GRM7: variants seen among roughly 807,000 people sequenced by gnomAD.
GRM7 encodes the protein metabotropic glutamate receptor 7.
A neutral mutation model predicts 84.5 loss-of-function variants in GRM7; 35 were observed. The observed-to-expected ratio is 0.41, with a 90% CI of 0.32 to 0.55. The LOEUF (loss-of-function observed/expected upper bound fraction) is 0.55, where lower values mean the gene tolerates loss of function less well. Ranked by LOEUF, GRM7 falls within the 20% of genes least tolerant of loss-of-function variation. GRM7 has a pLI of 0.19. For synonymous variants in GRM7, 487 were observed against 455.1 expected, an observed-to-expected ratio of 1.07 and a Z score of -0.89; for missense variants, 1,003 against 1,194.6, an observed-to-expected ratio of 0.84 and a Z score of 2.36.
intron 9 of GRM7, among the ~76,000 whole-genome samples, chr3:7,704,437 A>T (rs1018181814): frequency 6.6e-6 from 1 of 152,108 alleles, no homozygotes; most frequent in East Asian, 1.9e-4. Context: ...GTTTGAGAGT[A>T]TTTTTTTCTA....
At chr3:7,282,693 A>G (rs1699296601) in intron 2 of GRM7, among the ~76,000 whole-genome samples, 1 of 152,202 alleles carries the variant, frequency 6.6e-6, no homozygotes, top group Admixed American at 6.5e-5. Context: ...AATGTAGGTA[A>G]TGTTGATTAG....
At chr3:7,733,872 C>A (rs1374275468) in intron 9 of GRM7, among the ~76,000 whole-genome samples, 1 of 152,162 alleles carries the variant, frequency 6.6e-6, no homozygotes, top group Non-Finnish European at 1.5e-5. Context: ...TAAATTGTCT[C>A]ACACTGCATG....
chr3:7,541,759 C>A (rs1407733466), intron 7 of GRM7, among the ~76,000 whole-genome samples: 1 of 152,196 alleles, frequency 6.6e-6, no homozygotes, highest in Non-Finnish European at 1.5e-5. Context: ...ATCTGCATTT[C>A]TTACTGGTGT....
intron 7 of GRM7, among the ~76,000 whole-genome samples, chr3:7,542,798 G>A (rs371087121): frequency 2.0e-5 from 3 of 152,066 alleles, no homozygotes; most frequent in South Asian, 2.1e-4. Flanking sequence ...TGCCTGCCTC[G>A]GCCTCCCAAA....
intron 2 of GRM7, among the ~76,000 whole-genome samples, chr3:7,186,979 G>A (rs1695537792): frequency 6.6e-6 from 1 of 152,110 alleles, no homozygotes; most frequent in South Asian, 2.1e-4. Context: ...AGCTGTTTGG[G>A]AGGCTGAGGC....
At chr3:7,649,957 C>T (rs902117517) in intron 8 of GRM7, among the ~76,000 whole-genome samples, 4 of 152,078 alleles carry the variant, frequency 2.6e-5, no homozygotes, top group Non-Finnish European at 5.9e-5. Flanking sequence ...ATAATAATTA[C>T]AGTACATCAT....
At chr3:6,926,654 A>G (rs1697308484) in intron 1 of GRM7, among the ~76,000 whole-genome samples, 1 of 152,072 alleles carries the variant, frequency 6.6e-6, no homozygotes, top group Admixed American at 6.5e-5. Flanking sequence ...GTGCTCCCCA[A>G]ACAGCTTAGC....
intron 9 of GRM7, among the ~76,000 whole-genome samples, chr3:7,738,660 CTTAA>C (rs1402867715): frequency 3.6e-4 from 54 of 150,968 alleles, no homozygotes; most frequent in East Asian, 3.9e-4. Flanking sequence ...AGAAAACAGT[CTTAA>C]TTAATCACAC....
intron 1 of GRM7, among the ~76,000 whole-genome samples, chr3:7,126,869 A>T (rs1693419141): frequency 6.6e-6 from 1 of 152,156 alleles, no homozygotes; most frequent in Non-Finnish European, 1.5e-5. Context: ...CTCATAGCCA[A>T]TGATCTAAAT....
chr3:7,129,739 G>A (rs1693528824), intron 1 of GRM7, among the ~76,000 whole-genome samples: 1 of 152,170 alleles, frequency 6.6e-6, no homozygotes, highest in Non-Finnish European at 1.5e-5. Context: ...TGCAGAAGTA[G>A]CCTGGGTCCT....
In GRM7 at chr3:7,661,072, C is replaced by T. The variant is rs182149619; in HGVS notation, c.2452-18977C>T. Among the ~76,000 whole-genome samples, 13 of 152,202 alleles carry T rather than the reference C, an allele frequency of 8.5e-5. No homozygotes were observed. The East Asian group carries it at 2.1e-3, about 25-fold the overall frequency. On this transcript the variant is annotated intron_variant, in intron 8 of 9. Coordinates refer to ENST00000357716, the MANE Select transcript of GRM7 (RefSeq NM_000844.4). ...GGCAAATATTTCTTAGGTATCATGCCGAACACACAATTTATACGTGAACAG... is the reference window on the plus strand; with the variant it reads ...GGCAAATATTTCTTAGGTATCATGCTGAACACACAATTTATACGTGAACAG...
intron 1 of GRM7, among the ~76,000 whole-genome samples, chr3:6,950,924 G>T (rs1692728568): frequency 6.6e-6 from 1 of 152,178 alleles, no homozygotes; most frequent in African/African-American, 2.4e-5. Flanking sequence ...ATTAGGGTGA[G>T]AGTGACCCGA....
At position 6,862,100 on chromosome 3, in the gene GRM7, C is replaced by T; in HGVS notation, c.519+193C>T. ...CTTGGTTTATTTCCCTTCCATCTCT[C>T]CCCTGTCCACGCTCCACTCCATCCG... is the stretch of plus-strand genomic sequence containing the variant. On this transcript the variant is annotated intron_variant, in intron 1 of 9. Coordinates refer to ENST00000357716, the MANE Select transcript of GRM7 (RefSeq NM_000844.4). The surrounding 1 kb of genome is among the most constrained non-coding windows in gnomAD (Gnocchi z 5.2). Among the ~76,000 whole-genome samples the T allele has an allele frequency of 6.6e-6, 1 of 152,048 alleles. No homozygotes were observed. Among genetic ancestry groups the T allele is most frequent in the Middle Eastern group, 3.2e-3 (1 of 316 alleles).
chr3:7,024,618 C>T (rs192762238), intron 1 of GRM7, among the ~76,000 whole-genome samples: 26 of 152,274 alleles, frequency 1.7e-4, no homozygotes, highest in Non-Finnish European at 2.8e-4. Flanking sequence ...CCGAGTGTGA[C>T]GACACATGAC....
At chr3:7,165,175 C>T (rs1164000634) in intron 2 of GRM7, among the ~76,000 whole-genome samples, 1 of 152,334 alleles carries the variant, frequency 6.6e-6, no homozygotes, top group African/African-American at 2.4e-5. Context: ...CTAACTTCCT[C>T]ACCATCCGCA....
At chr3:7,564,396 C>A (rs924552669) in intron 7 of GRM7, among the ~76,000 whole-genome samples, 2 of 152,096 alleles carry the variant, frequency 1.3e-5, no homozygotes, top group Non-Finnish European at 1.5e-5. Flanking sequence ...GGATTTGAAC[C>A]CGTGATCATC....
intron 5 of GRM7, among the ~76,000 whole-genome samples, chr3:7,450,902 C>T (rs2124888806): frequency 6.6e-6 from 1 of 152,056 alleles, no homozygotes; most frequent in African/African-American, 2.4e-5. Context: ...TTCTGAATTT[C>T]CCTCTTGGAG....
chr3:6,866,956 TC>T (rs1280353614), intron 1 of GRM7, among the ~76,000 whole-genome samples: 4 of 152,202 alleles, frequency 2.6e-5, no homozygotes, highest in Non-Finnish European at 5.9e-5. Context: ...GAGATGTGAT[TC>T]TGGGGCTCCC....
chr3:7,725,909 C>G (rs935498106), intron 9 of GRM7, among the ~76,000 whole-genome samples: 19 of 152,108 alleles, frequency 1.2e-4, no homozygotes, highest in African/African-American at 4.3e-4. Flanking sequence ...AAAAATTCCA[C>G]TCCAACGTTA....
Sources: allele counts gnomAD v4.1 joint callset (sites outside exome capture counted in the v4.1 genomes callset), GRCh38; gene constraint gnomAD v4.1.1; non-coding constraint Gnocchi (gnomAD v3.1); transcripts MANE v1.5; gene names NCBI Gene and HGNC (gene_info 2026-07-23, HGNC 2026-07-21).